SH3TC1: variants seen among roughly 807,000 people sequenced by gnomAD.
The protein encoded by SH3TC1 is SH3 domain and tetratricopeptide repeat-containing protein 1.
Under a neutral mutation model 117.3 loss-of-function variants are expected in SH3TC1, and 135 were observed. The observed-to-expected ratio is 1.15, with a 90% confidence interval of 1.00 to 1.33. The LOEUF (loss-of-function observed/expected upper bound fraction) is 1.33, where lower values mean the gene tolerates loss of function less well. SH3TC1 is among the 40% of genes most tolerant of loss of function. The pLI is 0.00. For missense variants in SH3TC1, 2,092 were observed against 1,794.3 expected (o/e 1.17, Z -3.00); for synonymous variants, 898 against 816.9 (o/e 1.10, Z -1.69).
chr4:8,234,525 G>A (rs62286471), intron 14 of SH3TC1, among the ~76,000 whole-genome samples: 19 of 144,840 alleles, frequency 1.3e-4, no homozygotes, highest in African/African-American at 2.9e-4. Context: ...CCATCCGTCC[G>A]TCCATCCATC....
chr4:8,236,126 C>A, intron 15 of SH3TC1, 152 bp from the exon 16 acceptor site: 1 of 1,023,848 alleles, frequency 9.8e-7, no homozygotes, highest in Non-Finnish European at 1.3e-6. Context: ...GCTTGGGTGT[C>A]TGAACCGCCC....
intron 1 of SH3TC1, among the ~76,000 whole-genome samples, chr4:8,187,869 T>C (rs1027137571): frequency 2.0e-5 from 3 of 152,200 alleles, no homozygotes; most frequent in Non-Finnish European, 4.4e-5. Flanking sequence ...GTTTTCTACA[T>C]GGGATTGACA....
upstream of SH3TC1, among the ~76,000 whole-genome samples, chr4:8,198,550 G>T (rs1254142425): frequency 6.6e-6 from 1 of 152,256 alleles, no homozygotes; most frequent in Admixed American, 6.5e-5. Context: ...CCCAGGCCAG[G>T]CTTCCTCAGC....
At chr4:8,214,851 A>T (rs1050122748) in intron 5 of SH3TC1, among the ~76,000 whole-genome samples, 2 of 152,146 alleles carry the variant, frequency 1.3e-5, no homozygotes, top group African/African-American at 2.4e-5. Flanking sequence ...GCCCAGCTAA[A>T]TTTTTTGTAT....
intron 17 of SH3TC1, among the ~76,000 whole-genome samples, chr4:8,239,037 G>A (rs1023099283): frequency 2.6e-5 from 4 of 152,206 alleles, no homozygotes; most frequent in Non-Finnish European, 5.9e-5. Context: ...AGAGAAAGCC[G>A]GTTTGGATGG....
intron 1 of SH3TC1, chr4:8,201,390 T>G (rs993032406): frequency 2.6e-5 from 4 of 152,422 alleles, no homozygotes; most frequent in Admixed American, 2.0e-4. Flanking sequence ...GGAGCCAAAC[T>G]CCACCCCTTC....
intron 1 of SH3TC1, among the ~76,000 whole-genome samples, chr4:8,201,072 G>A (rs1233822390): frequency 6.6e-6 from 1 of 152,208 alleles, no homozygotes; most frequent in Non-Finnish European, 1.5e-5. Flanking sequence ...GAGGTGACAA[G>A]CCAACCCTCC....
At chr4:8,234,509 ATC>A (rs1721625850) in intron 14 of SH3TC1, among the ~76,000 whole-genome samples, 1 of 147,518 alleles carries the variant, frequency 6.8e-6, no homozygotes, top group African/African-American at 2.6e-5. Context: ...CCATCCATTC[ATC>A]TGTCCATCCG....
rs1420163208 is a variant in SH3TC1, at chr4:8,186,646, T to C, written c.-57+4436T>C. Among the ~76,000 whole-genome samples the C allele has an allele frequency of 6.6e-6, 1 of 152,078 alleles. No homozygotes were observed. Among genetic ancestry groups the C allele is most frequent in the Non-Finnish European group, 1.5e-5 (1 of 68,012 alleles). Reference sequence around the variant, plus strand: ...TAAAGTTTAGGTTAAAAAAACACTTTTAAAAAGCCCCTTGAGGCTGGGTGC... The same window carrying C: ...TAAAGTTTAGGTTAAAAAAACACTTCTAAAAAGCCCCTTGAGGCTGGGTGC... On this transcript the variant is annotated intron_variant, in intron 1 of 16. Transcript: ENST00000508641. This position sits in a 1 kb window ranked among gnomAD's most constrained non-coding sequence, Gnocchi z 5.2.
At chr4:8,188,699 G>A (rs900587481) in intron 1 of SH3TC1, among the ~76,000 whole-genome samples, 2 of 152,206 alleles carry the variant, frequency 1.3e-5, no homozygotes, top group Non-Finnish European at 2.9e-5. Flanking sequence ...GGGAGACCCC[G>A]GGACCCACAC....
At chr4:8,234,849 C>T (rs1311635063) in intron 14 of SH3TC1, among the ~76,000 whole-genome samples, 4 of 152,224 alleles carry the variant, frequency 2.6e-5, no homozygotes, top group South Asian at 2.1e-4. Context: ...TTGCTCCAAG[C>T]GACATGTGGC....
chr4:8,228,337 G>A lies in SH3TC1; in HGVS notation c.2643G>A (p.Gln881=), dbSNP rs763177523. ...VALKRTGRTR[Q]AAESYYRALR... Reference sequence around the variant, plus strand: ...TGAAGAGGACGGGCCGGACGAGGCAGGCAGCTGAGAGCTACTACCGCGCCC... The same window carrying A: ...TGAAGAGGACGGGCCGGACGAGGCAAGCAGCTGAGAGCTACTACCGCGCCC... Residue 881 remains glutamine (Q), a synonymous_variant, in exon 12 of 18, where the codon CAG becomes CAA. Transcript: ENST00000245105. The A allele has an allele frequency of 1.2e-6, 2 of 1,611,978 alleles. No individual in the cohort carries two copies. The highest frequency in any genetic ancestry group is 1.1e-5 in the South Asian group (1 of 91,074).
At chr4:8,218,783 G>A (rs1719591737) in intron 8 of SH3TC1, among the ~76,000 whole-genome samples, 2 of 152,250 alleles carry the variant, frequency 1.3e-5, no homozygotes, top group South Asian at 4.1e-4. Flanking sequence ...TGCACTAACA[G>A]AGGACCGTGA....
rs1285730678 is a variant in SH3TC1, at chr4:8,209,603, G to A, written c.173-145G>A. The stretch of plus-strand genomic sequence containing the variant: ...CTCCTTGCTGGGCTCTGGGGAGACT[G>A]GAGGAAGGCAGCTGTGGGAAAGGCG... On this transcript the variant is annotated intron_variant, in intron 2 of 17. Coordinates refer to ENST00000245105, the MANE Select transcript of SH3TC1 (RefSeq NM_018986.5). The surrounding 1 kb of genome is among the most constrained non-coding windows in gnomAD (Gnocchi z 5.9). 1.3e-6 allele frequency: 2 copies of A among 1,533,534 alleles called. No homozygotes were observed. Among genetic ancestry groups the A allele is most frequent in the African/African-American group, 2.7e-5 (2 of 72,932 alleles). The allele number at this position is 1,533,534 out of a possible 1,614,324, so 95.0% of individuals were successfully genotyped here. A position where few individuals can be genotyped will look rare whatever the true frequency, so the allele number is the denominator to read the frequency against.
intron 10 of SH3TC1, among the ~76,000 whole-genome samples, chr4:8,223,704 C>T (rs1490253500): frequency 6.6e-6 from 1 of 150,558 alleles, no homozygotes; most frequent in Non-Finnish European, 1.5e-5. Context: ...ATGATCTCGG[C>T]TCACTGCAAC....
At chr4:8,235,652 G>T in intron 15 of SH3TC1, 97 bp downstream of exon 15, 2 of 1,425,808 alleles carry the variant, frequency 1.4e-6, no homozygotes, top group Non-Finnish European at 1.9e-6. Flanking sequence ...GCACCTGGAG[G>T]CAGGGCCGCC....
At chr4:8,189,425 T>G (rs1486308659) in intron 1 of SH3TC1, among the ~76,000 whole-genome samples, 1 of 152,024 alleles carries the variant, frequency 6.6e-6, no homozygotes, top group Non-Finnish European at 1.5e-5. Context: ...TAGGCCTCTT[T>G]GAGGAGGCAA....
At chr4:8,239,563 C>T (rs1479904306) in intron 17 of SH3TC1, among the ~76,000 whole-genome samples, 1 of 151,898 alleles carries the variant, frequency 6.6e-6, no homozygotes, top group Admixed American at 6.6e-5. Flanking sequence ...GGCACATGCA[C>T]ACGCAAATGC....
In SH3TC1 at chr4:8,185,573, A is replaced by G. The variant is rs564266507; in HGVS notation, c.-57+3363A>G. ...ACGCATCCTAACCCCACTTTCAGAC[A>G]GAAAATGGAGCAGACACTCTGAAGC... On this transcript the variant is annotated intron_variant, in intron 1 of 16. Coordinates refer to the SH3TC1 transcript ENST00000508641. 4.0e-4 allele frequency among the ~76,000 whole-genome samples: 61 copies of G among 152,274 alleles called. 4 individuals are homozygous for G. In the South Asian group the frequency reaches 0.012, roughly 31 times the overall value.
Sources: allele counts gnomAD v4.1 joint callset (sites outside exome capture counted in the v4.1 genomes callset), GRCh38; gene constraint gnomAD v4.1.1; non-coding constraint Gnocchi (gnomAD v3.1); transcripts MANE v1.5; gene names NCBI Gene and HGNC (gene_info 2026-07-23, HGNC 2026-07-21).